The following AUTS2 variants were observed in gnomAD, a reference collection of about 807,000 sequenced individuals.
AUTS2 encodes activator of transcription and developmental regulator AUTS2.
AUTS2 carries 17 observed loss-of-function variants against 112.4 expected under a neutral mutation model. The ratio of observed to expected loss-of-function variants is 0.15; its 90% CI spans 0.10 to 0.23. The LOEUF (loss-of-function observed/expected upper bound fraction) is 0.23. Among genes scored for constraint, AUTS2 ranks in the 10% least tolerant of loss-of-function variants. The pLI, the probability that AUTS2 is intolerant of heterozygous loss-of-function variation, is 1.00. For synonymous variants in AUTS2, 751 were observed against 702.7 expected (o/e 1.07, Z -1.09); for missense variants, 1,510 against 1,701.6 (o/e 0.89, Z 1.98).
intron 4 of AUTS2, among the ~76,000 whole-genome samples, chr7:70,431,920 G>T (rs138631802): frequency 6.6e-6 from 1 of 152,228 alleles, no homozygotes; most frequent in African/African-American, 2.4e-5. Flanking sequence ...TTGGCCAGGC[G>T]TGCACACGTC....
At chr7:70,030,639 G>C (rs925107206) in intron 2 of AUTS2, among the ~76,000 whole-genome samples, 2 of 152,128 alleles carry the variant, frequency 1.3e-5, no homozygotes, top group Admixed American at 6.5e-5. Flanking sequence ...ATAAAGGCAG[G>C]TGAGTTGAGC....
rs559217536 is a variant in AUTS2 at position 70,077,682 on chromosome 7, G to A, written c.523-40450G>A. ...AGTAGAATGGTGATGTAGATGGAAC[G>A]GCTCTCTGCCTTTGTTTCTGTCTGT... On this transcript the variant is annotated intron_variant, in intron 2 of 18. Coordinates refer to ENST00000342771, the MANE Select transcript of AUTS2 (RefSeq NM_015570.4). Among the ~76,000 whole-genome samples, 8 of 152,254 alleles carry A rather than the reference G, an allele frequency of 5.3e-5. No individual in the cohort carries two copies. The East Asian group carries it at 7.7e-4, about 15-fold the overall frequency.
chr7:69,711,374 G>C (rs1446809325), intron 1 of AUTS2, among the ~76,000 whole-genome samples: 3 of 73,438 alleles, frequency 4.1e-5, no homozygotes, highest in Non-Finnish European at 8.8e-5. Flanking sequence ...TTGAGAAATA[G>C]TAGAAAGTTG....
At chr7:70,079,962 T>C (rs569691371) in intron 2 of AUTS2, among the ~76,000 whole-genome samples, 4 of 152,266 alleles carry the variant, frequency 2.6e-5, no homozygotes, top group Admixed American at 2.0e-4. Context: ...CAAGAGAGTT[T>C]GAAGCTCTTT....
rs193116654 is a variant in AUTS2, at chr7:70,623,601, A to G, written c.691-74968A>G. On this transcript the variant is annotated intron_variant, in intron 5 of 18. Transcript: ENST00000342771. ...ATACAGAACATGTTAATCATCATAG[A>G]AAGTTCTGGACAGTGGTGCTCTAGA... is the stretch of plus-strand genomic sequence containing the variant. Among the ~76,000 whole-genome samples the G allele has an allele frequency of 7.2e-5, 11 of 152,342 alleles. No homozygotes were observed. The East Asian group carries it at 2.1e-3, about 29-fold the overall frequency.
intron 2 of AUTS2, among the ~76,000 whole-genome samples, chr7:70,062,269 G>C (rs890514813): frequency 3.3e-5 from 5 of 151,606 alleles, no homozygotes; most frequent in Non-Finnish European, 7.4e-5. Context: ...CCAGCACTTT[G>C]GGAGGCCAAG....
chr7:70,098,265 C>G (rs1390308475), intron 2 of AUTS2, among the ~76,000 whole-genome samples: 1 of 152,150 alleles, frequency 6.6e-6, no homozygotes, highest in Non-Finnish European at 1.5e-5. Context: ...TCTGGATTAT[C>G]TATAAAACTT....
At chr7:70,615,849 G>A (rs140275062) in intron 5 of AUTS2, among the ~76,000 whole-genome samples, 1,877 of 152,074 alleles carry the variant, frequency 0.012, 35 homozygotes, top group African/African-American at 0.041. Context: ...AGAATCAAGC[G>A]ATTCTCCACC....
chr7:70,734,250 T>C (rs1397783216), intron 6 of AUTS2, among the ~76,000 whole-genome samples: 1 of 151,934 alleles, frequency 6.6e-6, no homozygotes, highest in South Asian at 2.1e-4. Flanking sequence ...CCATCCTGGC[T>C]AACACAGTGA....
chr7:70,684,740 G>A (rs550508557), intron 5 of AUTS2, among the ~76,000 whole-genome samples: 1 of 152,226 alleles, frequency 6.6e-6, no homozygotes, highest in South Asian at 2.1e-4. Flanking sequence ...TGACATGCCT[G>A]CTGGCACCAT....
At chr7:70,533,719 TCAGA>T (rs928653836) in intron 5 of AUTS2, among the ~76,000 whole-genome samples, 9 of 152,218 alleles carry the variant, frequency 5.9e-5, no homozygotes, top group Middle Eastern at 3.2e-3. Context: ...GACCTCATAG[TCAGA>T]CAAAGAGTTG....
At chr7:70,197,612 C>T (rs1467587731) in intron 4 of AUTS2, among the ~76,000 whole-genome samples, 7 of 73,390 alleles carry the variant, frequency 9.5e-5, no homozygotes, top group African/African-American at 3.8e-4. Flanking sequence ...TCACTCCCAC[C>T]CGAATATTGC....
chr7:70,059,581 T>A (rs997697146), intron 2 of AUTS2, among the ~76,000 whole-genome samples: 3 of 152,142 alleles, frequency 2.0e-5, no homozygotes, highest in African/African-American at 7.2e-5. Flanking sequence ...ATCTGGAAAT[T>A]CTGTATGAAA....
chr7:70,297,005 C>CT (rs556668116), intron 4 of AUTS2, among the ~76,000 whole-genome samples: 2,910 of 118,164 alleles, frequency 0.025, 95 homozygotes, highest in East Asian at 0.1. Flanking sequence ...TAATGCCTGA[C>CT]TTTTTTTTTT....
chr7:69,840,599 A>G (rs1791933431), intron 1 of AUTS2, among the ~76,000 whole-genome samples: 1 of 152,196 alleles, frequency 6.6e-6, no homozygotes, highest in African/African-American at 2.4e-5. Flanking sequence ...TGTGCATTCA[A>G]GAGAATTACT....
At chr7:70,772,413 A>T (rs371355023) in intron 11 of AUTS2, among the ~76,000 whole-genome samples, 2 of 152,252 alleles carry the variant, frequency 1.3e-5, no homozygotes, top group East Asian at 1.9e-4. Flanking sequence ...TCTCTTTTTA[A>T]ATATACTTAC....
chr7:70,391,575 G>A (rs1427912668), intron 4 of AUTS2, among the ~76,000 whole-genome samples: 1 of 152,112 alleles, frequency 6.6e-6, no homozygotes, highest in Admixed American at 6.6e-5. Flanking sequence ...TGAATAATCT[G>A]TAAAACTGTT....
chr7:70,397,187 C>A (rs934763204), intron 4 of AUTS2, among the ~76,000 whole-genome samples: 5 of 152,028 alleles, frequency 3.3e-5, no homozygotes, highest in Non-Finnish European at 1.5e-5. Flanking sequence ...CCTCAGCCTC[C>A]CGAGTAGCTG....
chr7:70,155,132 C>G (rs932811452), intron 4 of AUTS2, among the ~76,000 whole-genome samples: 1 of 152,116 alleles, frequency 6.6e-6, no homozygotes, highest in Non-Finnish European at 1.5e-5. Flanking sequence ...TTTGGTGGCA[C>G]TGTTATGGTG....
Sources: allele counts gnomAD v4.1 joint callset (sites outside exome capture counted in the v4.1 genomes callset), GRCh38; gene constraint gnomAD v4.1.1; transcripts MANE v1.5; gene names NCBI Gene and HGNC (gene_info 2026-07-23, HGNC 2026-07-21).